AMMECR1: variants seen among roughly 807,000 people sequenced by gnomAD.
The protein encoded by AMMECR1 is AMMECR nuclear protein 1, also known as nuclear protein AMMECR1.
Under a neutral mutation model 22.5 loss-of-function variants are expected in AMMECR1, and 3 were observed. The observed-to-expected ratio is 0.13, with a 90% CI of 0.06 to 0.35. The LOEUF is 0.35. Ranked by LOEUF, AMMECR1 falls within the 10% of genes least tolerant of loss-of-function variation. The pLI is 1.00. For synonymous variants in AMMECR1, 130 were observed against 116.7 expected (o/e 1.11, Z -0.74); for missense variants, 235 against 278.7 (o/e 0.84, Z 1.12).
At chrX:110,314,533 C>T (rs1252842067) in intron 1 of AMMECR1, among the ~76,000 whole-genome samples, 2 of 111,451 alleles carry the variant, frequency 1.8e-5, no homozygotes, top group Non-Finnish European at 3.8e-5. Flanking sequence ...TTAATAACTT[C>T]CCAGTGATTC....
intron 3 of AMMECR1, among the ~76,000 whole-genome samples, chrX:110,208,958 C>G (rs748982664): frequency 9.0e-6 from 1 of 111,294 alleles, no homozygotes; most frequent in East Asian, 2.8e-4. Flanking sequence ...TGCTTTCTAT[C>G]AAAGTTAGAA....
Position 110,196,331 on chromosome X carries a change from T to C in AMMECR1, c.*2189A>G, listed in dbSNP as rs907628686. The stretch of plus-strand genomic sequence containing the variant: ...AAGATGGATTTCACGATAATATTGG[T>C]CTATTTTGTCTCTCTTCAGTTTGCT... On this transcript the variant is annotated 3_prime_UTR_variant, in exon 6 of 6. Transcript: ENST00000262844. 1.3e-4 allele frequency: 14 copies of C among 111,340 alleles called. No homozygotes were observed. The highest frequency in any genetic ancestry group is 4.6e-4 in the African/African-American group (14 of 30,661). 9.2% of individuals were successfully genotyped at this position (111,340 alleles called of 1,213,427 possible).
chrX:110,229,714 C>CG, intron 2 of AMMECR1, among the ~76,000 whole-genome samples: 1 of 112,059 alleles, frequency 8.9e-6, no homozygotes, highest in Middle Eastern at 4.6e-3. Context: ...TTGACTCACC[C>CG]GGGAAGCGCA....
At chrX:110,296,345 T>C (rs1382796686) in intron 1 of AMMECR1, among the ~76,000 whole-genome samples, 3 of 112,188 alleles carry the variant, frequency 2.7e-5, no homozygotes, top group Non-Finnish European at 5.6e-5. Flanking sequence ...CTCTCAACAA[T>C]TTGACTATCA....
At chrX:110,339,419 A>C (rs757302449) in intron 2 of AMMECR1, among the ~76,000 whole-genome samples, 7,110 of 106,656 alleles carry the variant, frequency 0.067, 690 homozygotes, top group African/African-American at 0.23. Context: ...AAAAAAAAAA[A>C]AAAAAACAAA....
chrX:110,347,008 C>G, intron 2 of AMMECR1: 1 of 471,565 alleles, frequency 2.1e-6, no homozygotes, highest in East Asian at 3.8e-5. Flanking sequence ...ATTAGAAGGG[C>G]TCAGGAATAC....
chrX:110,284,719 T>A (rs2067870342), intron 1 of AMMECR1, among the ~76,000 whole-genome samples: 1 of 110,789 alleles, frequency 9.0e-6, no homozygotes, highest in East Asian at 2.8e-4. Context: ...TACTGGATGG[T>A]GGGGGAAGGT....
intron 2 of AMMECR1, among the ~76,000 whole-genome samples, chrX:110,360,898 A>C (rs1265292327): frequency 9.0e-6 from 1 of 111,661 alleles, no homozygotes; most frequent in African/African-American, 3.3e-5. Flanking sequence ...TCTGGAGTTG[A>C]AAGGTAGAGG....
At chrX:110,378,506 C>T (rs776645308) in intron 2 of AMMECR1, among the ~76,000 whole-genome samples, 1 of 112,191 alleles carries the variant, frequency 8.9e-6, no homozygotes, top group Non-Finnish European at 1.9e-5. Context: ...GTACTAGCTC[C>T]TCATCCTGGC....
chrX:110,382,373 C>T (rs2068426335), intron 2 of AMMECR1, among the ~76,000 whole-genome samples: 1 of 109,688 alleles, frequency 9.1e-6, no homozygotes, highest in African/African-American at 3.3e-5. Context: ...CAATAAGAAA[C>T]AAAGGCAGCC....
intron 1 of AMMECR1, among the ~76,000 whole-genome samples, chrX:110,302,939 T>TTC (rs2067975634): frequency 9.0e-6 from 1 of 111,419 alleles, no homozygotes; most frequent in Non-Finnish European, 1.9e-5. Flanking sequence ...CTGATTTTCC[T>TTC]AAATTTATAC....
chrX:110,401,949 C>T (rs1035022727), intron 2 of AMMECR1, among the ~76,000 whole-genome samples: 1 of 112,275 alleles, frequency 8.9e-6, no homozygotes, highest in African/African-American at 3.2e-5. Flanking sequence ...ATCCAGGTCT[C>T]TCTTCGCTTC....
At chrX:110,423,566 C>T (rs1348993621) in intron 2 of AMMECR1, among the ~76,000 whole-genome samples, 1 of 111,839 alleles carries the variant, frequency 8.9e-6, no homozygotes, top group African/African-American at 3.3e-5. Flanking sequence ...CACTTTAACT[C>T]AGTTTTTCTG....
intron 2 of AMMECR1, chrX:110,225,056 C>T (rs1289305137): frequency 8.1e-6 from 3 of 370,606 alleles, no homozygotes; most frequent in African/African-American, 7.7e-5. Context: ...TCTGTCATCA[C>T]CAGGATCCAA....
intron 2 of AMMECR1, among the ~76,000 whole-genome samples, chrX:110,259,791 C>T (rs2067730400): frequency 9.1e-6 from 1 of 109,990 alleles, no homozygotes; most frequent in South Asian, 3.9e-4. Context: ...CGGAGTTTCA[C>T]CGTGTTAGCC....
intron 2 of AMMECR1, among the ~76,000 whole-genome samples, chrX:110,393,746 G>C (rs1462208271): frequency 4.5e-5 from 5 of 112,225 alleles, no homozygotes; most frequent in Non-Finnish European, 9.4e-5. Flanking sequence ...GGGAAAATTT[G>C]GTTTTCCCCA....
At chrX:110,225,641 TC>T (rs2067528722) in intron 2 of AMMECR1, among the ~76,000 whole-genome samples, 1 of 112,376 alleles carries the variant, frequency 8.9e-6, no homozygotes, top group Non-Finnish European at 1.9e-5. Flanking sequence ...ACATCCCAAA[TC>T]CAAAATTCTG....
At chrX:110,410,777 A>T (rs1158262799) in intron 2 of AMMECR1, among the ~76,000 whole-genome samples, 1 of 111,107 alleles carries the variant, frequency 9.0e-6, no homozygotes, top group Non-Finnish European at 1.9e-5. Context: ...AACCTTTTGG[A>T]TCCTAGATAT....
intron 2 of AMMECR1, among the ~76,000 whole-genome samples, chrX:110,373,289 C>T (rs2068352131): frequency 9.0e-6 from 1 of 111,504 alleles, no homozygotes. Context: ...AATAAACTCA[C>T]CCATAAGAAG....
Sources: allele counts gnomAD v4.1 joint callset (sites outside exome capture counted in the v4.1 genomes callset), GRCh38; gene constraint gnomAD v4.1.1; transcripts MANE v1.5; gene names NCBI Gene and HGNC (gene_info 2026-07-23, HGNC 2026-07-21).